Variants in CCND3 observed in about 807,000 individuals in gnomAD.
The protein encoded by CCND3 is G1/S-specific cyclin-D3.
A neutral mutation model predicts 28.7 loss-of-function variants in CCND3; 9 were observed. That is an observed-to-expected ratio of 0.31 (90% CI 0.19 to 0.55). The LOEUF (loss-of-function observed/expected upper bound fraction) is 0.55. CCND3 is among the 20% of genes least tolerant of loss of function. CCND3 has a pLI of 0.93. For missense variants in CCND3, 315 were observed against 385.8 expected (o/e 0.82, Z 1.54); for synonymous variants, 164 against 163.9 (o/e 1.00, Z 0.00).
In CCND3 at chr6:42,048,857, C is replaced by A; in HGVS notation, c.-402G>T. The A allele has an allele frequency of 3.2e-6, 1 of 313,750 alleles. No individual in the cohort carries two copies. 19.4% of individuals were successfully genotyped at this position (313,750 alleles called of 1,614,324 possible). On this transcript the variant is annotated 5_prime_UTR_variant, in exon 1 of 5. Coordinates refer to the CCND3 transcript ENST00000372988. This position sits in a 1 kb window ranked among gnomAD's most constrained non-coding sequence, Gnocchi z 4.7. ...GCCAGGAGGCTCATCCGGCGCCGCG[C>A]ACCCCCGCCCGCAGCCCCCGCCCCA...
chr6:41,995,577 A>G (rs1311897802), intron 1 of CCND3, among the ~76,000 whole-genome samples: 1 of 152,188 alleles, frequency 6.6e-6, no homozygotes, highest in Non-Finnish European at 1.5e-5. Context: ...AATAAACAGG[A>G]CAAATGCTGA....
At chr6:42,024,606 G>A (rs4714553) in intron 1 of CCND3, among the ~76,000 whole-genome samples, 5,800 of 152,032 alleles carry the variant, frequency 0.038, 193 homozygotes, top group Admixed American at 0.086. Context: ...GTGACATTGC[G>A]AGGCTGGGGC....
chr6:41,961,200 G>A (rs1242814879), intron 1 of CCND3, among the ~76,000 whole-genome samples: 10 of 152,208 alleles, frequency 6.6e-5, no homozygotes, highest in African/African-American at 1.2e-4. Context: ...GTGGCCGAGC[G>A]TGGTGGCTCA....
intron 1 of CCND3, among the ~76,000 whole-genome samples, chr6:42,047,354 T>C (rs4527704): frequency 0.23 from 35,498 of 152,108 alleles, 4,269 homozygotes; most frequent in South Asian, 0.38. Context: ...AATTCATAAA[T>C]TGCTGTGTCA....
intron 1 of CCND3, among the ~76,000 whole-genome samples, chr6:41,956,877 A>C (rs982833243): frequency 6.6e-6 from 1 of 151,962 alleles, no homozygotes; most frequent in Admixed American, 6.6e-5. Context: ...AAATACAAAA[A>C]AAAATTAGCC....
intron 1 of CCND3, among the ~76,000 whole-genome samples, chr6:42,028,392 G>A (rs112639691): frequency 1.6e-3 from 239 of 152,342 alleles, no homozygotes; most frequent in African/African-American, 5.3e-3. Flanking sequence ...GCACAGCTGT[G>A]CTATCTATCA....
intron 1 of CCND3, among the ~76,000 whole-genome samples, chr6:42,028,124 T>C (rs1763936407): frequency 6.6e-6 from 1 of 152,222 alleles, no homozygotes; most frequent in South Asian, 2.1e-4. Context: ...TCCCTAGCAC[T>C]GTGCCTAGCA....
At chr6:41,979,054 C>G (rs13219754) in intron 1 of CCND3, among the ~76,000 whole-genome samples, 1 of 150,658 alleles carries the variant, frequency 6.6e-6, no homozygotes, top group African/African-American at 2.4e-5. Flanking sequence ...GCCTGTAATC[C>G]GAGCTACTTG....
At chr6:42,014,667 G>A (rs1763446777) in intron 1 of CCND3, among the ~76,000 whole-genome samples, 1 of 152,132 alleles carries the variant, frequency 6.6e-6, no homozygotes, top group Non-Finnish European at 1.5e-5. Flanking sequence ...GCTTATGCCT[G>A]TAATCCCAGC....
chr6:42,037,979 C>T (rs1169607506), intron 1 of CCND3, among the ~76,000 whole-genome samples: 14 of 149,270 alleles, frequency 9.4e-5, no homozygotes, highest in Admixed American at 3.4e-4. Flanking sequence ...TGCAGTGAGC[C>T]GAGATTGCGC....
Position 41,940,604 on chromosome 6 carries a change from T to TC in CCND3, c.199-20dup. On this transcript the variant is annotated intron_variant, in intron 1 of 4. Transcript: ENST00000372991. ...CACATACCTGGGGGAGGGCGCACAG[T>TC]CACTGCTGGGTCTGGAGCGTGGGGA... 2 of 1,436,626 alleles carry TC rather than the reference T, an allele frequency of 1.4e-6. No homozygotes were observed. The highest frequency in any genetic ancestry group is 9.4e-7 in the Non-Finnish European group (1 of 1,060,680). 89.0% of individuals were successfully genotyped at this position (1,436,626 alleles called of 1,614,324 possible).
upstream of CCND3, among the ~76,000 whole-genome samples, chr6:41,946,595 C>CAAAAAAAAAAA (rs35369019): frequency 4.3e-4 from 9 of 20,932 alleles, 2 homozygotes; most frequent in African/African-American, 7.3e-4. Context: ...AGACCTGTCT[C>CAAAAAAAAAAA]AAAAAAAAAA....
intron 2 of CCND3, 70 bp from the exon 3 acceptor site, chr6:41,937,464 C>CA (rs1317943202): frequency 6.3e-7 from 1 of 1,578,372 alleles, no homozygotes. Context: ...GCAGAAGTCT[C>CA]AAAGTCTCAG....
At chr6:42,010,771 C>T (rs1763322647) in intron 1 of CCND3, 1 of 152,212 alleles carries the variant, frequency 6.6e-6, no homozygotes, top group African/African-American at 2.4e-5. Flanking sequence ...GACACCTTCT[C>T]CTACAGAAAG....
chr6:42,040,868 C>CAAAAAAAAAAAAA (rs142222742), intron 1 of CCND3, among the ~76,000 whole-genome samples: 16 of 122,518 alleles, frequency 1.3e-4, no homozygotes, highest in Non-Finnish European at 2.3e-4. Flanking sequence ...AACAAACAAA[C>CAAAAAAAAAAAAA]AAAAAAAAAA....
chr6:42,021,974 C>T lies in CCND3; in HGVS notation c.-46+26527G>A, dbSNP rs144139328. ...GGCTGGCAGCCACAGGGAAGAGAGA[C>T]GGAGAAGAAATTCCAAGCTTTGTTA... On this transcript the variant is annotated intron_variant, in intron 1 of 4. Coordinates refer to the CCND3 transcript ENST00000372988. Among the ~76,000 whole-genome samples the T allele has an allele frequency of 6.6e-5, 10 of 152,266 alleles. No individual in the cohort carries two copies. The East Asian group carries it at 7.7e-4, about 12-fold the overall frequency.
intron 1 of CCND3, among the ~76,000 whole-genome samples, chr6:42,021,432 C>T (rs565939281): frequency 3.9e-4 from 59 of 152,234 alleles, no homozygotes; most frequent in Non-Finnish European, 7.5e-4. Context: ...GAAACACGGA[C>T]GGGCCCAAAG....
At chr6:42,010,975 A>G (rs1241210192) in intron 1 of CCND3, 1 of 152,112 alleles carries the variant, frequency 6.6e-6, no homozygotes, top group African/African-American at 2.4e-5. Context: ...CCTCCATAGA[A>G]ACACTTCAGG....
At chr6:41,963,614 T>C (rs1419585661) in intron 1 of CCND3, among the ~76,000 whole-genome samples, 1 of 152,174 alleles carries the variant, frequency 6.6e-6, no homozygotes, top group Non-Finnish European at 1.5e-5. Context: ...CAAACTCCAA[T>C]CAGAGGGGGA....
Sources: allele counts gnomAD v4.1 joint callset (sites outside exome capture counted in the v4.1 genomes callset), GRCh38; gene constraint gnomAD v4.1.1; non-coding constraint Gnocchi (gnomAD v3.1); transcripts MANE v1.5; gene names NCBI Gene and HGNC (gene_info 2026-07-23, HGNC 2026-07-21).